KLHL12: variants seen among roughly 807,000 people sequenced by gnomAD.
KLHL12 encodes kelch-like protein 12.
Under a neutral mutation model 60.8 loss-of-function variants are expected in KLHL12, and 17 were observed. The observed-to-expected ratio is 0.28, with a 90% CI of 0.19 to 0.42. The LOEUF is 0.42. Among genes scored for constraint, KLHL12 ranks in the 10% least tolerant of loss-of-function variants. The pLI is 1.00. For missense variants in KLHL12, 468 were observed against 722.3 expected, an observed-to-expected ratio of 0.65 and a Z score of 4.04; for synonymous variants, 220 against 250.9, an observed-to-expected ratio of 0.88 and a Z score of 1.16.
chr1:202,920,412 T>C (rs1174087061), intron 2 of KLHL12, among the ~76,000 whole-genome samples: 1 of 132,168 alleles, frequency 7.6e-6, no homozygotes, highest in Non-Finnish European at 1.6e-5. Flanking sequence ...AATCTTGCAC[T>C]GTTTCCCAGG....
At position 202,919,308 on chromosome 1, in the gene KLHL12, T is replaced by C. The variant is rs182024343; in HGVS notation, c.349+447A>G. 2.4e-3 allele frequency among the ~76,000 whole-genome samples: 363 copies of C among 152,270 alleles called. 1 individual carries two copies. Among genetic ancestry groups the C allele is most frequent in the African/African-American group, 8.4e-3 (349 of 41,526 alleles). ...GTAAGGGAAAACAAACCACCTGTAATCCTGTGAAAATATCATACTTTAATA... is the reference window on the plus strand; with the variant it reads ...GTAAGGGAAAACAAACCACCTGTAACCCTGTGAAAATATCATACTTTAATA... On this transcript the variant is annotated intron_variant, in intron 3 of 11. Coordinates refer to ENST00000367261, the MANE Select transcript of KLHL12 (RefSeq NM_021633.4).
intron 3 of KLHL12, among the ~76,000 whole-genome samples, chr1:202,919,153 G>C (rs924110661): frequency 6.6e-6 from 1 of 152,182 alleles, no homozygotes; most frequent in African/African-American, 2.4e-5. Context: ...CTACTCAGGA[G>C]GCTGAGGTGT....
At chr1:202,908,392 G>A (rs1660259647) in intron 6 of KLHL12, among the ~76,000 whole-genome samples, 1 of 151,890 alleles carries the variant, frequency 6.6e-6, no homozygotes, top group African/African-American at 2.4e-5. Flanking sequence ...AGTGTTTTAA[G>A]GCTTTACATA....
intron 2 of KLHL12, among the ~76,000 whole-genome samples, chr1:202,923,871 CAAA>C (rs796713342): frequency 4.6e-5 from 2 of 43,728 alleles, no homozygotes; most frequent in South Asian, 7.0e-4. Flanking sequence ...AAAAAAAAAA[CAAA>C]AAACAAACAA....
At chr1:202,922,509 CAG>C (rs1180881249) in intron 2 of KLHL12, among the ~76,000 whole-genome samples, 2 of 146,370 alleles carry the variant, frequency 1.4e-5, no homozygotes, top group East Asian at 2.0e-4. Context: ...TTTTTTGAGA[CAG>C]AGTCTCGCTC....
intron 6 of KLHL12, among the ~76,000 whole-genome samples, chr1:202,901,457 C>A (rs1448348992): frequency 1.8e-5 from 1 of 56,662 alleles, no homozygotes; most frequent in African/African-American, 5.1e-5. Flanking sequence ...AACCCAGCTA[C>A]CTTTTTTTTT....
chr1:202,903,304 ACT>A (rs1660071376), intron 6 of KLHL12, among the ~76,000 whole-genome samples: 1 of 149,662 alleles, frequency 6.7e-6, no homozygotes, highest in Non-Finnish European at 1.5e-5. Context: ...AATCTCTGAC[ACT>A]CTGGTAGGCA....
upstream of KLHL12, chr1:202,928,598 C>T (rs1376397764): frequency 8.6e-7 from 1 of 1,161,036 alleles, no homozygotes; most frequent in Non-Finnish European, 1.2e-6. Flanking sequence ...CGAGAATCCT[C>T]TGAGCCTTAG....
At chr1:202,927,424 T>C (rs1391793550), upstream of KLHL12, among the ~76,000 whole-genome samples, 1 of 147,812 alleles carries the variant, frequency 6.8e-6, no homozygotes, top group Non-Finnish European at 1.5e-5. Flanking sequence ...GGCTCACGCC[T>C]ATAATCCCGG....
intron 7 of KLHL12, 99 bp downstream of exon 7, chr1:202,896,755 T>C: frequency 1.1e-6 from 1 of 891,342 alleles, no homozygotes; most frequent in Non-Finnish European, 1.9e-6. Context: ...ATCCTGTTAT[T>C]AGGCTTTTCT....
chr1:202,927,875 A>G (rs950953680), upstream of KLHL12, among the ~76,000 whole-genome samples: 9 of 151,198 alleles, frequency 6.0e-5, no homozygotes, highest in African/African-American at 1.9e-4. Flanking sequence ...CCAACTACTC[A>G]GGAGGCTAAT....
intron 4 of KLHL12, chr1:202,912,114 T>C (rs12723261): frequency 1.2e-6 from 1 of 825,814 alleles, no homozygotes; most frequent in East Asian, 2.4e-5. Flanking sequence ...GACCAGGTGC[T>C]CACTTAACTG....
intron 6 of KLHL12, among the ~76,000 whole-genome samples, chr1:202,901,130 A>ATTTC (rs1419548932): frequency 3.3e-5 from 5 of 152,234 alleles, no homozygotes; most frequent in Non-Finnish European, 5.9e-5. Flanking sequence ...AGAAGTAGAA[A>ATTTC]GGAAATAGAT....
Position 202,912,635 on chromosome 1 carries a change from T to C in KLHL12, c.568-1432A>G, listed in dbSNP as rs183179124. 1,866 of 1,340,600 alleles carry C rather than the reference T, an allele frequency of 1.4e-3. 17 individuals are homozygous for C. In the African/African-American group the frequency reaches 0.02, roughly 15 times the overall value. The allele number at this position is 1,340,600 out of a possible 1,614,324, so 83.0% of individuals were successfully genotyped here. A position where few individuals can be genotyped will look rare whatever the true frequency, so the allele number is the denominator to read the frequency against. ...TGGAGGCAGAAGCTCTGGGCCCCTA[T>C]GGCGGTGGAGGCCAATACTCTGCCA... On this transcript the variant is annotated intron_variant, in intron 4 of 11. Coordinates refer to ENST00000367261, the MANE Select transcript of KLHL12 (RefSeq NM_021633.4).
chr1:202,901,378 A>G (rs1449122188), intron 6 of KLHL12, among the ~76,000 whole-genome samples: 2 of 150,040 alleles, frequency 1.3e-5, no homozygotes, highest in Non-Finnish European at 3.0e-5. Flanking sequence ...CAATCCTCCT[A>G]CCTCCCAGGC....
rs868138569 is a variant in KLHL12, at chr1:202,897,234, T to C, written c.833-274A>G. 1.6e-3 allele frequency among the ~76,000 whole-genome samples: 229 copies of C among 143,142 alleles called. 1 individual carries two copies. Among genetic ancestry groups the C allele is most frequent in the South Asian group, 7.3e-3 (32 of 4,358 alleles). 93.9% of individuals were successfully genotyped at this position (143,142 alleles called of 152,430 possible). ...CACTGCACCATTTCTTTTTCTTTTT[T>C]TTTTTTTTTTTTTTTTTGGAGACAG... is the stretch of plus-strand genomic sequence containing the variant. On this transcript the variant is annotated intron_variant, in intron 6 of 11. Transcript: ENST00000367261.
Position 202,895,368 on chromosome 1 carries a change from T to G in KLHL12, c.1135+154A>C, listed in dbSNP as rs1480088365. Reference sequence around the variant, plus strand: ...GTGATCACACCACTGCACTCCAGCCTGGGCAACAGAGAGAGACCCTGTCTC... The same window carrying G: ...GTGATCACACCACTGCACTCCAGCCGGGGCAACAGAGAGAGACCCTGTCTC... On this transcript the variant is annotated intron_variant, in intron 8 of 11. Coordinates refer to ENST00000367261, the MANE Select transcript of KLHL12 (RefSeq NM_021633.4). The surrounding 1 kb of genome is among the most constrained non-coding windows in gnomAD (Gnocchi z 4.2). 6.6e-6 allele frequency among the ~76,000 whole-genome samples: 1 copy of G among 152,222 alleles called. No homozygotes were observed. Among genetic ancestry groups the G allele is most frequent in the Non-Finnish European group, 1.5e-5 (1 of 68,046 alleles).
rs780751635 is a variant in KLHL12 at position 202,895,504 on chromosome 1, C to T, written c.1135+18G>A. On this transcript the variant is annotated intron_variant, in intron 8 of 11. Coordinates refer to ENST00000367261, the MANE Select transcript of KLHL12 (RefSeq NM_021633.4). This position sits in a 1 kb window ranked among gnomAD's most constrained non-coding sequence, Gnocchi z 4.2. ...GCCACAGTAAGATGGAAATAATTGC[C>T]CTGCACATCCAGCCTACCTCCCAGG... 17 of 1,606,066 alleles carry T rather than the reference C, an allele frequency of 1.1e-5. No homozygotes were observed. Among genetic ancestry groups the T allele is most frequent in the Admixed American group, 1.7e-5 (1 of 59,260 alleles).
chr1:202,924,706 T>A (rs1451226075), intron 2 of KLHL12, among the ~76,000 whole-genome samples: 5 of 152,228 alleles, frequency 3.3e-5, no homozygotes, highest in Non-Finnish European at 5.9e-5. Flanking sequence ...TATTACACTA[T>A]TCTAAGCACT....
Sources: allele counts gnomAD v4.1 joint callset (sites outside exome capture counted in the v4.1 genomes callset), GRCh38; gene constraint gnomAD v4.1.1; non-coding constraint Gnocchi (gnomAD v3.1); transcripts MANE v1.5; gene names NCBI Gene and HGNC (gene_info 2026-07-23, HGNC 2026-07-21).